Variants in ZNF730 observed in about 807,000 individuals in gnomAD.
ZNF730 encodes the protein putative zinc finger protein 730.
Under a neutral mutation model 12.6 loss-of-function variants are expected in ZNF730, and 12 were observed. The observed-to-expected ratio is 0.95, with a 90% CI of 0.61 to 1.54. ZNF730 has a LOEUF of 1.54. ZNF730 is among the 40% of genes most tolerant of loss of function. ZNF730 has a pLI of 0.00. For missense variants in ZNF730, 643 were observed against 583.5 expected (o/e 1.10, Z -1.05); for synonymous variants, 194 against 195.8 (o/e 0.99, Z 0.08).
At chr19:23,094,740 C>G (rs1970221783) in intron 1 of ZNF730, among the ~76,000 whole-genome samples, 1 of 152,268 alleles carries the variant, frequency 6.6e-6, no homozygotes, top group South Asian at 2.1e-4. Flanking sequence ...TCCCAGAGTG[C>G]TGGGATTACA....
At chr19:23,127,721 T>C in intron 1 of ZNF730, 1 of 1,217,024 alleles carries the variant, frequency 8.2e-7, no homozygotes. Flanking sequence ...ACTTTGAAGA[T>C]CTACATTTAT....
intron 1 of ZNF730, chr19:23,100,289 T>C (rs1407600289): frequency 6.6e-6 from 1 of 152,130 alleles, no homozygotes; most frequent in East Asian, 1.9e-4. Context: ...GTGACATATA[T>C]CGTGGCCAAG....
At chr19:23,116,928 GGGCC>G, upstream of ZNF730, 4 of 92,790 alleles carry the variant, frequency 4.3e-5, no homozygotes, top group Non-Finnish European at 6.1e-5. Flanking sequence ...TGAGGGGGCG[GGGCC>G]TTAAACGTTA....
chr19:23,099,141 A>G (rs1414332229), intron 1 of ZNF730, among the ~76,000 whole-genome samples: 3 of 152,226 alleles, frequency 2.0e-5, no homozygotes, highest in Admixed American at 6.5e-5. Flanking sequence ...GATGCAGTCC[A>G]TAGTTAAAAT....
intron 1 of ZNF730, among the ~76,000 whole-genome samples, chr19:23,088,359 A>G (rs1004198087): frequency 2.0e-5 from 3 of 152,020 alleles, no homozygotes; most frequent in African/African-American, 7.2e-5. Context: ...GTTTTTGCCC[A>G]TTCAGTATAA....
intron 1 of ZNF730, among the ~76,000 whole-genome samples, chr19:23,121,712 A>G (rs543312227): frequency 6.6e-6 from 1 of 152,162 alleles, no homozygotes; most frequent in Non-Finnish European, 1.5e-5. Context: ...TTTCATAAAC[A>G]TTCTTTCAAG....
chr19:23,101,586 A>C (rs1970336484), intron 1 of ZNF730, among the ~76,000 whole-genome samples: 1 of 152,298 alleles, frequency 6.6e-6, no homozygotes, highest in Admixed American at 6.5e-5. Context: ...GGCCCAGCCC[A>C]CAGATGAGAT....
Position 23,117,318 on chromosome 19 carries a change from C to T in ZNF730, c.3+142C>T, listed in dbSNP as rs558210192. 118 of 1,497,592 alleles carry T rather than the reference C, an allele frequency of 7.9e-5. No homozygotes were observed. In the African/African-American group the frequency reaches 1.5e-3, roughly 19 times the overall value. 92.8% of individuals were successfully genotyped at this position (1,497,592 alleles called of 1,614,324 possible). ...GTTCTTGCCCAGCTCGGCCTCAGTCCCCTTCAGCCATACGATGGCGGCCGC... is the reference window on the plus strand; with the variant it reads ...GTTCTTGCCCAGCTCGGCCTCAGTCTCCTTCAGCCATACGATGGCGGCCGC... On this transcript the variant is annotated intron_variant, in intron 1 of 3. Coordinates refer to ENST00000597761, the MANE Select transcript of ZNF730 (RefSeq NM_001277403.2).
At chr19:23,117,290 A>G (rs1228507254) in intron 1 of ZNF730, 114 bp downstream of exon 1, 11 of 1,584,020 alleles carry the variant, frequency 6.9e-6, no homozygotes, top group Non-Finnish European at 9.5e-6. Context: ...ATCTGCGCCC[A>G]GAGTTCTTGC....
chr19:23,146,297 A>T lies in ZNF730; in HGVS notation c.1253A>T (p.His418Leu). 2 of 1,613,714 alleles carry T rather than the reference A, an allele frequency of 1.2e-6. No individual in the cohort carries two copies. Among genetic ancestry groups the T allele is most frequent in the Non-Finnish European group, 1.7e-6 (2 of 1,179,716 alleles). The change falls in exon 4 of 4, where the codon CAT (histidine) becomes CTT (leucine). Residue 418 changes from histidine (H) to leucine (L), a missense_variant. By Grantham distance (99) the His-to-Leu change is moderately conservative. Coordinates refer to ENST00000597761, the MANE Select transcript of ZNF730 (RefSeq NM_001277403.2). The stretch of plus-strand genomic sequence containing the variant: ...CACCTTACTACACATAAGAGAATTC[A>T]TACTGGAGAGAAACCCTACAAATGT... ...ISHLTTHKRI[H>L]TGEKPYKCEE...
At chr19:23,089,690 G>A (rs1030627604) in intron 1 of ZNF730, among the ~76,000 whole-genome samples, 18 of 152,112 alleles carry the variant, frequency 1.2e-4, no homozygotes, top group Admixed American at 6.6e-5. Context: ...CAATTAAACC[G>A]CTTTTTCTTC....
chr19:23,091,051 G>A (rs1206491227), intron 1 of ZNF730, among the ~76,000 whole-genome samples: 1 of 151,836 alleles, frequency 6.6e-6, no homozygotes, highest in Admixed American at 6.6e-5. Flanking sequence ...CGGGGCCCAG[G>A]GTCCCCATGC....
At chr19:23,079,179 CAG>C (rs1431750386) in intron 1 of ZNF730, among the ~76,000 whole-genome samples, 1 of 151,930 alleles carries the variant, frequency 6.6e-6, no homozygotes, top group Non-Finnish European at 1.5e-5. Context: ...TTCAATAAGG[CAG>C]AGTTTTGCTC....
intron 1 of ZNF730, among the ~76,000 whole-genome samples, chr19:23,111,563 A>G (rs1970460700): frequency 6.6e-6 from 1 of 152,078 alleles, no homozygotes; most frequent in Non-Finnish European, 1.5e-5. Context: ...CCTGATCAAC[A>G]TAGTGAAACC....
intron 1 of ZNF730, chr19:23,123,726 T>C (rs1970627977): frequency 6.6e-6 from 1 of 152,182 alleles, no homozygotes; most frequent in Admixed American, 6.6e-5. Context: ...CTGGCCAAGT[T>C]GATCAGTCTT....
chr19:23,080,228 C>T (rs1417137375), intron 1 of ZNF730, among the ~76,000 whole-genome samples: 2 of 152,146 alleles, frequency 1.3e-5, no homozygotes, highest in Non-Finnish European at 2.9e-5. Flanking sequence ...GTTTAATCTA[C>T]TCATTTGTAA....
chr19:23,126,486 G>A (rs1228284877), intron 1 of ZNF730: 1 of 354,354 alleles, frequency 2.8e-6, no homozygotes, highest in Non-Finnish European at 5.7e-6. Context: ...TTTCCAGTGA[G>A]CATAAATGCG....
At chr19:23,134,588 C>G (rs1970798410) in intron 2 of ZNF730, among the ~76,000 whole-genome samples, 1 of 60,318 alleles carries the variant, frequency 1.7e-5, no homozygotes, top group Non-Finnish European at 3.9e-5. Flanking sequence ...CCGCCCCGTC[C>G]TGGAGGGTGG....
chr19:23,089,477 G>C (rs80013735), intron 1 of ZNF730, among the ~76,000 whole-genome samples: 2 of 152,118 alleles, frequency 1.3e-5, no homozygotes, highest in Non-Finnish European at 2.9e-5. Context: ...GGGAGGGACC[G>C]GGGGGAGATT....
Sources: allele counts gnomAD v4.1 joint callset (sites outside exome capture counted in the v4.1 genomes callset), GRCh38; gene constraint gnomAD v4.1.1; transcripts MANE v1.5; gene names NCBI Gene and HGNC (gene_info 2026-07-23, HGNC 2026-07-21).